The following ASB4 variants were observed in gnomAD, a reference collection of about 807,000 sequenced individuals.
The protein encoded by ASB4 is ankyrin repeat and SOCS box containing 4.
Under a neutral mutation model 38.6 loss-of-function variants are expected in ASB4, and 35 were observed. The observed-to-expected ratio is 0.91, with a 90% CI of 0.69 to 1.20. The LOEUF is 1.20. Among genes scored for constraint, ASB4 ranks in the 50% most tolerant of loss-of-function variants. The probability of loss-of-function intolerance (pLI) is 0.00; values close to 1 mark genes in which losing one functional copy is unlikely to be tolerated. For missense variants in ASB4, 557 were observed against 527.2 expected, an observed-to-expected ratio of 1.06 and a Z score of -0.55; for synonymous variants, 195 against 201.3, an observed-to-expected ratio of 0.97 and a Z score of 0.26.
chr7:95,543,373 G>GTTCTTTTCAGTCACCCCTTAATTCAGT (rs1790994639), downstream of ASB4: 1 of 126,114 alleles, frequency 7.9e-6, no homozygotes, highest in Non-Finnish European at 1.8e-5. Context: ...TCCACAGATA[G>GTTCTTTTCAGTCACCCCTTAATTCAGT]CCCTTAATTA....
intron 2 of ASB4, among the ~76,000 whole-genome samples, chr7:95,502,580 G>A (rs921476026): frequency 6.6e-6 from 1 of 152,130 alleles, no homozygotes; most frequent in Admixed American, 6.6e-5. Context: ...AAGTCAAAGA[G>A]ATAACTGGGG....
intron 2 of ASB4, among the ~76,000 whole-genome samples, chr7:95,526,007 G>T (rs1169538778): frequency 6.6e-6 from 1 of 152,084 alleles, no homozygotes; most frequent in African/African-American, 2.4e-5. Flanking sequence ...AGGGCATAAA[G>T]GAACAATACA....
chr7:95,489,529 T>C (rs1321561796), intron 1 of ASB4, among the ~76,000 whole-genome samples: 3 of 152,242 alleles, frequency 2.0e-5, no homozygotes, highest in Non-Finnish European at 4.4e-5. Context: ...GATGAAATCA[T>C]GTTTTATTAA....
chr7:95,536,722 C>A (rs1790895001), intron 4 of ASB4, among the ~76,000 whole-genome samples, 172 bp downstream of exon 4: 1 of 152,116 alleles, frequency 6.6e-6, no homozygotes. Context: ...ATATTTCCAT[C>A]AAATATGTGG....
At chr7:95,479,595 C>G (rs1357130349) in intron 1 of ASB4, among the ~76,000 whole-genome samples, 1 of 152,266 alleles carries the variant, frequency 6.6e-6, no homozygotes, top group East Asian at 1.9e-4. Flanking sequence ...GTGTTTGCCC[C>G]ACTTTTTTGT....
At chr7:95,515,167 C>CTCTTTCTTTCTTTCTT (rs71127411) in intron 2 of ASB4, among the ~76,000 whole-genome samples, 72 of 89,804 alleles carry the variant, frequency 8.0e-4, no homozygotes, top group Middle Eastern at 6.2e-3. Flanking sequence ...CTTTCTCTTT[C>CTCTTTCTTTCTTTCTT]TCTTTCTTTC....
chr7:95,489,464 G>C (rs1008356700), intron 1 of ASB4, among the ~76,000 whole-genome samples: 1 of 152,152 alleles, frequency 6.6e-6, no homozygotes, highest in African/African-American at 2.4e-5. Context: ...CTTAAAGTTA[G>C]AGAGCTCTCA....
intron 2 of ASB4, among the ~76,000 whole-genome samples, chr7:95,522,277 A>AT (rs1163695798): frequency 2.0e-5 from 3 of 152,078 alleles, no homozygotes; most frequent in Non-Finnish European, 2.9e-5. Flanking sequence ...TTTACCAATA[A>AT]TTTTTTTTAT....
chr7:95,512,261 A>G (rs1052435620), intron 2 of ASB4, among the ~76,000 whole-genome samples: 41 of 152,214 alleles, frequency 2.7e-4, no homozygotes, highest in African/African-American at 9.9e-4. Context: ...TCAGACCTTG[A>G]CTATTCCATT....
intron 1 of ASB4, among the ~76,000 whole-genome samples, chr7:95,494,498 T>C (rs1245756413): frequency 6.6e-6 from 1 of 152,244 alleles, no homozygotes; most frequent in Non-Finnish European, 1.5e-5. Context: ...TTTGTACTTG[T>C]AAGTGGAATT....
chr7:95,510,179 G>T (rs774920119), intron 2 of ASB4, among the ~76,000 whole-genome samples: 12 of 152,168 alleles, frequency 7.9e-5, no homozygotes, highest in Non-Finnish European at 1.6e-4. Flanking sequence ...TTAATGAAAA[G>T]ATATGAAAAA....
At chr7:95,524,906 C>T (rs80083712) in intron 2 of ASB4, among the ~76,000 whole-genome samples, 1,992 of 152,280 alleles carry the variant, frequency 0.013, 60 homozygotes, top group Admixed American at 0.056. Flanking sequence ...AACCTGGGAT[C>T]CAGTCTGTAA....
At chr7:95,500,904 A>T (rs900489599) in intron 2 of ASB4, among the ~76,000 whole-genome samples, 3 of 152,012 alleles carry the variant, frequency 2.0e-5, no homozygotes, top group Non-Finnish European at 4.4e-5. Flanking sequence ...CCTCCCACTT[A>T]GGAAGGAAGC....
intron 2 of ASB4, among the ~76,000 whole-genome samples, chr7:95,512,029 C>T (rs1285040944): frequency 6.6e-6 from 1 of 152,190 alleles, no homozygotes; most frequent in Admixed American, 6.5e-5. Flanking sequence ...ACCTGCCACT[C>T]CCTCAGCTTC....
At chr7:95,514,730 C>G (rs1790531074) in intron 2 of ASB4, among the ~76,000 whole-genome samples, 3 of 152,058 alleles carry the variant, frequency 2.0e-5, no homozygotes, top group Admixed American at 1.3e-4. Flanking sequence ...ATATTCTGGC[C>G]CAGCATAGAG....
chr7:95,529,740 C>T (rs1003515606), intron 3 of ASB4, among the ~76,000 whole-genome samples: 1 of 152,162 alleles, frequency 6.6e-6, no homozygotes, highest in African/African-American at 2.4e-5. Flanking sequence ...AATAATGTTA[C>T]AGTAACTGTC....
chr7:95,505,781 G>C (rs1300553736), intron 2 of ASB4, among the ~76,000 whole-genome samples: 2 of 144,114 alleles, frequency 1.4e-5, no homozygotes, highest in Non-Finnish European at 3.0e-5. Context: ...TTCTTTTTTT[G>C]TGCAATGTTT....
chr7:95,506,714 T>C (rs900666893), intron 2 of ASB4, among the ~76,000 whole-genome samples: 52 of 150,320 alleles, frequency 3.5e-4, no homozygotes, highest in Non-Finnish European at 6.2e-4. Context: ...TGGTCTTTGA[T>C]GTTCTAAAAT....
chr7:95,515,127 C>T (rs1790536062), intron 2 of ASB4, among the ~76,000 whole-genome samples: 1 of 152,132 alleles, frequency 6.6e-6, no homozygotes, highest in Non-Finnish European at 1.5e-5. Context: ...CAGAGACAAC[C>T]TCTGTCCAAG....
Sources: gnomAD v4.1 joint callset for allele counts (sites outside exome capture counted in the v4.1 genomes callset) on GRCh38, gnomAD v4.1.1 for gene constraint, MANE v1.5 for transcripts, NCBI Gene and HGNC (gene_info 2026-07-23, HGNC 2026-07-21) for gene names.